RABGAP1L: variants seen among roughly 807,000 people sequenced by gnomAD.
The protein encoded by RABGAP1L is RAB GTPase activating protein 1 like, also known as rab GTPase-activating protein 1-like.
In RABGAP1L, 63 loss-of-function variants were observed where a neutral mutation model predicts 137.7. The ratio of observed to expected loss-of-function variants is 0.46; its 90% CI spans 0.37 to 0.56. The LOEUF is 0.56. RABGAP1L is among the 20% of genes least tolerant of loss of function. The probability of loss-of-function intolerance (pLI) is 0.00; values close to 1 mark genes in which losing one functional copy is unlikely to be tolerated. For synonymous variants in RABGAP1L, 431 were observed against 433.7 expected (o/e 0.99, Z 0.08); for missense variants, 1,095 against 1,244.0 (o/e 0.88, Z 1.80).
intron 13 of RABGAP1L, among the ~76,000 whole-genome samples, chr1:174,452,798 T>G (rs369996376): frequency 3.9e-5 from 6 of 152,056 alleles, no homozygotes; most frequent in East Asian, 1.9e-4. Flanking sequence ...CCTGACCTCG[T>G]GATCTGCCTG....
At chr1:174,203,770 G>A (rs1284304813) in intron 1 of RABGAP1L, among the ~76,000 whole-genome samples, 1 of 152,048 alleles carries the variant, frequency 6.6e-6, no homozygotes, top group Non-Finnish European at 1.5e-5. Context: ...TGATTTCCTT[G>A]AGCAGTGTTT....
chr1:174,888,820 T>C (rs1419849007), intron 19 of RABGAP1L, among the ~76,000 whole-genome samples: 3 of 152,074 alleles, frequency 2.0e-5, no homozygotes, highest in African/African-American at 4.8e-5. Flanking sequence ...TTTACCATTG[T>C]ATTTCCAGCC....
At chr1:174,827,062 A>T (rs1294371909) in intron 19 of RABGAP1L, among the ~76,000 whole-genome samples, 2 of 152,096 alleles carry the variant, frequency 1.3e-5, no homozygotes, top group African/African-American at 4.8e-5. Flanking sequence ...TCCACATGGG[A>T]TGGTCACCAT....
At chr1:174,665,237 T>A (rs1306709359) in intron 14 of RABGAP1L, among the ~76,000 whole-genome samples, 5 of 152,104 alleles carry the variant, frequency 3.3e-5, no homozygotes, top group African/African-American at 1.2e-4. Flanking sequence ...GAGTTTGAAT[T>A]CTAGCTCTGC....
intron 19 of RABGAP1L, among the ~76,000 whole-genome samples, chr1:174,820,906 A>G (rs530274113): frequency 6.6e-6 from 1 of 151,550 alleles, no homozygotes; most frequent in East Asian, 1.9e-4. Context: ...AATCCTAGCT[A>G]CTCAGGAGGC....
intron 13 of RABGAP1L, among the ~76,000 whole-genome samples, chr1:174,494,044 G>T (rs1280788387): frequency 6.6e-6 from 1 of 152,036 alleles, no homozygotes; most frequent in East Asian, 1.9e-4. Context: ...TCCTTCTTTG[G>T]AGCCTAGTAA....
intron 13 of RABGAP1L, among the ~76,000 whole-genome samples, chr1:174,532,801 T>C (rs1055236194): frequency 6.6e-6 from 1 of 152,104 alleles, no homozygotes; most frequent in Non-Finnish European, 1.5e-5. Flanking sequence ...ATCACAGATA[T>C]ATAAAAAAAA....
At chr1:174,931,053 C>G (rs1663711942) in intron 19 of RABGAP1L, among the ~76,000 whole-genome samples, 1 of 151,952 alleles carries the variant, frequency 6.6e-6, no homozygotes, top group Admixed American at 6.6e-5. Flanking sequence ...AAAAATCATC[C>G]CATCATTGTC....
At chr1:174,698,457 A>C (rs1156872007) in intron 15 of RABGAP1L, among the ~76,000 whole-genome samples, 3 of 152,180 alleles carry the variant, frequency 2.0e-5, no homozygotes, top group African/African-American at 7.2e-5. Context: ...CACGCTATTT[A>C]CCAAAATTTA....
At chr1:174,621,510 A>G in intron 13 of RABGAP1L, among the ~76,000 whole-genome samples, 1 of 152,252 alleles carries the variant, frequency 6.6e-6, no homozygotes. Flanking sequence ...ACAGAGATAT[A>G]GACCAATGGA....
chr1:174,878,222 C>T (rs1407313249), intron 19 of RABGAP1L, among the ~76,000 whole-genome samples: 2 of 152,042 alleles, frequency 1.3e-5, no homozygotes, highest in Non-Finnish European at 2.9e-5. Context: ...ACGATCTATA[C>T]CTCTGAAACC....
At chr1:174,258,322 T>A (rs2148620088) in intron 7 of RABGAP1L, among the ~76,000 whole-genome samples, 1 of 152,364 alleles carries the variant, frequency 6.6e-6, no homozygotes, top group African/African-American at 2.4e-5. Context: ...TCTCACTCTG[T>A]CACCCAGCCT....
At chr1:174,185,393 C>A (rs1386095562) in intron 1 of RABGAP1L, among the ~76,000 whole-genome samples, 1 of 151,848 alleles carries the variant, frequency 6.6e-6, no homozygotes, top group Non-Finnish European at 1.5e-5. Context: ...AATTTTACTT[C>A]TTTTAGAAGG....
intron 12 of RABGAP1L, among the ~76,000 whole-genome samples, chr1:174,387,826 A>G (rs923711280): frequency 4.6e-5 from 7 of 152,128 alleles, no homozygotes; most frequent in Non-Finnish European, 5.9e-5. Flanking sequence ...ACTGTTTTAA[A>G]AAACTAACAT....
intron 13 of RABGAP1L, among the ~76,000 whole-genome samples, chr1:174,400,561 C>G (rs1201556183): frequency 6.6e-6 from 1 of 152,042 alleles, no homozygotes; most frequent in Non-Finnish European, 1.5e-5. Flanking sequence ...TCAACTATAG[C>G]CTTATATTGT....
chr1:174,853,777 C>T (rs1327527638), intron 19 of RABGAP1L, among the ~76,000 whole-genome samples: 1 of 152,090 alleles, frequency 6.6e-6, no homozygotes, highest in African/African-American at 2.4e-5. Flanking sequence ...TGTTCCAAAG[C>T]CCAAACCTGG....
chr1:174,206,862 A>C (rs1387727420), intron 1 of RABGAP1L, among the ~76,000 whole-genome samples: 1 of 152,212 alleles, frequency 6.6e-6, no homozygotes, highest in African/African-American at 2.4e-5. Context: ...AGATATCATT[A>C]TTGCTCATTT....
intron 13 of RABGAP1L, among the ~76,000 whole-genome samples, chr1:174,596,848 C>T (rs1172203539): frequency 1.3e-5 from 2 of 152,092 alleles, no homozygotes; most frequent in East Asian, 3.9e-4. Context: ...TGGTTCTTTT[C>T]TATATGGCTT....
intron 13 of RABGAP1L, among the ~76,000 whole-genome samples, chr1:174,511,985 C>A (rs915471502): frequency 2.6e-5 from 4 of 152,020 alleles, no homozygotes; most frequent in African/African-American, 9.7e-5. Context: ...TTTTTCCAAT[C>A]CTTTATTTAT....
Sources: allele counts gnomAD v4.1 joint callset (sites outside exome capture counted in the v4.1 genomes callset), GRCh38; gene constraint gnomAD v4.1.1; transcripts MANE v1.5; gene names NCBI Gene and HGNC (gene_info 2026-07-23, HGNC 2026-07-21).